KCNH5: variants seen among roughly 807,000 people sequenced by gnomAD.
KCNH5 encodes voltage-gated delayed rectifier potassium channel KCNH5.
Under a neutral mutation model 96.1 loss-of-function variants are expected in KCNH5, and 46 were observed. That is an observed-to-expected ratio of 0.48 (90% CI 0.38 to 0.61). The LOEUF (loss-of-function observed/expected upper bound fraction) is 0.61, where lower values mean the gene tolerates loss of function less well. Ranked by LOEUF, KCNH5 falls within the 20% of genes least tolerant of loss-of-function variation. KCNH5 has a pLI of 0.00. For synonymous variants in KCNH5, 439 were observed against 449.8 expected (o/e 0.98, Z 0.30); for missense variants, 907 against 1,225.8 (o/e 0.74, Z 3.88).
intron 3 of KCNH5, among the ~76,000 whole-genome samples, chr14:63,003,364 G>A (rs942263332): frequency 4.1e-5 from 6 of 147,172 alleles, no homozygotes; most frequent in African/African-American, 1.0e-4. Context: ...GCTGAATCTC[G>A]GTGCAGTGCT....
At chr14:62,822,903 C>T (rs1436223523) in intron 8 of KCNH5, among the ~76,000 whole-genome samples, 2 of 152,088 alleles carry the variant, frequency 1.3e-5, no homozygotes, top group East Asian at 1.9e-4. Context: ...GTTAATAACA[C>T]ATCCATGGTC....
At chr14:63,041,663 G>A (rs1891826569) in intron 1 of KCNH5, among the ~76,000 whole-genome samples, 1 of 152,054 alleles carries the variant, frequency 6.6e-6, no homozygotes, top group Non-Finnish European at 1.5e-5. Flanking sequence ...AAACTAAAAA[G>A]AATTCCTTGC....
At chr14:62,725,649 A>T (rs1479187481) in intron 10 of KCNH5, among the ~76,000 whole-genome samples, 2 of 152,212 alleles carry the variant, frequency 1.3e-5, no homozygotes, top group Non-Finnish European at 2.9e-5. Context: ...TACTATGCAC[A>T]GGGAACACAA....
intron 9 of KCNH5, among the ~76,000 whole-genome samples, chr14:62,797,719 A>ATT (rs71451279): frequency 1.5e-4 from 22 of 145,936 alleles, no homozygotes; most frequent in East Asian, 7.9e-4. Context: ...CACGTTTATA[A>ATT]TTTTTTTTTT....
intron 3 of KCNH5, among the ~76,000 whole-genome samples, chr14:63,005,454 C>A (rs922654490): frequency 6.6e-6 from 1 of 152,156 alleles, no homozygotes; most frequent in Non-Finnish European, 1.5e-5. Flanking sequence ...CAGGCGTTTC[C>A]TGTTGAAGCG....
intron 10 of KCNH5, among the ~76,000 whole-genome samples, chr14:62,710,905 G>A (rs1453492490): frequency 6.6e-6 from 1 of 152,092 alleles, no homozygotes; most frequent in Admixed American, 6.5e-5. Flanking sequence ...TTTTACCTGG[G>A]AGTCCTGTAT....
chr14:62,714,532 C>CA (rs1884643117), intron 10 of KCNH5, among the ~76,000 whole-genome samples: 1 of 152,072 alleles, frequency 6.6e-6, no homozygotes, highest in African/African-American at 2.4e-5. Flanking sequence ...AATTGTAACT[C>CA]AAAAAGTAAA....
At chr14:62,766,585 C>G (rs1885865677) in intron 10 of KCNH5, among the ~76,000 whole-genome samples, 1 of 152,052 alleles carries the variant, frequency 6.6e-6, no homozygotes. Flanking sequence ...CACAGAAAGA[C>G]AAACTTCACA....
chr14:62,929,422 T>C (rs560555213), intron 7 of KCNH5, among the ~76,000 whole-genome samples: 56 of 152,206 alleles, frequency 3.7e-4, no homozygotes, highest in African/African-American at 1.3e-3. Context: ...GTGATACTGT[T>C]AAAATATGTC....
chr14:62,994,552 A>G (rs1890871465), intron 4 of KCNH5, among the ~76,000 whole-genome samples: 1 of 152,128 alleles, frequency 6.6e-6, no homozygotes, highest in South Asian at 2.1e-4. Context: ...GGAACAAAAA[A>G]TAACGGGAAC....
chr14:62,750,733 T>C (rs1885480007), intron 10 of KCNH5, among the ~76,000 whole-genome samples: 1 of 152,212 alleles, frequency 6.6e-6, no homozygotes, highest in East Asian at 1.9e-4. Flanking sequence ...CAGAAAGGCA[T>C]ACTTAGAATC....
chr14:62,900,564 A>G (rs1399610187), intron 7 of KCNH5, among the ~76,000 whole-genome samples: 3 of 152,178 alleles, frequency 2.0e-5, no homozygotes, highest in African/African-American at 7.2e-5. Context: ...TTATGGTACC[A>G]CATGTTAAAT....
At chr14:62,874,733 C>A (rs1888334140) in intron 7 of KCNH5, among the ~76,000 whole-genome samples, 1 of 137,074 alleles carries the variant, frequency 7.3e-6, no homozygotes, top group East Asian at 2.2e-4. Flanking sequence ...CAGCCAATAT[C>A]ATACTGAATG....
intron 4 of KCNH5, among the ~76,000 whole-genome samples, chr14:62,999,147 C>G (rs1043819321): frequency 2.0e-5 from 3 of 152,128 alleles, no homozygotes; most frequent in Non-Finnish European, 2.9e-5. Flanking sequence ...TTTACAGTCC[C>G]ACCAACAGTG....
At chr14:62,718,503 CA>C (rs1001981751) in intron 10 of KCNH5, among the ~76,000 whole-genome samples, 6 of 152,230 alleles carry the variant, frequency 3.9e-5, no homozygotes, top group African/African-American at 1.2e-4. Context: ...ATTAAAACTA[CA>C]ATAAGCTATC....
At chr14:63,001,781 T>G (rs1418023704) in intron 3 of KCNH5, among the ~76,000 whole-genome samples, 1 of 152,180 alleles carries the variant, frequency 6.6e-6, no homozygotes, top group East Asian at 1.9e-4. Context: ...TAGGTCTGGG[T>G]CCCTCAACCA....
chr14:62,891,224 C>T (rs1461591989), intron 7 of KCNH5, among the ~76,000 whole-genome samples: 2 of 152,104 alleles, frequency 1.3e-5, no homozygotes, highest in Non-Finnish European at 1.5e-5. Flanking sequence ...ATTATTCAGC[C>T]ATAAAAAACA....
At chr14:62,802,965 A>C (rs1886695245) in intron 8 of KCNH5, among the ~76,000 whole-genome samples, 1 of 152,118 alleles carries the variant, frequency 6.6e-6, no homozygotes, top group South Asian at 2.1e-4. Flanking sequence ...AACATGGTGA[A>C]ACCCTGTCTC....
intron 10 of KCNH5, among the ~76,000 whole-genome samples, chr14:62,723,076 A>C (rs1313703910): frequency 6.6e-6 from 1 of 152,236 alleles, no homozygotes; most frequent in Non-Finnish European, 1.5e-5. Context: ...GCCTTGGAAG[A>C]TAATGGCTGT....
Sources: gnomAD v4.1 joint callset for allele counts (sites outside exome capture counted in the v4.1 genomes callset) on GRCh38, gnomAD v4.1.1 for gene constraint, MANE v1.5 for transcripts, NCBI Gene and HGNC (gene_info 2026-07-23, HGNC 2026-07-21) for gene names.